The following GRIA1 variants were observed in gnomAD, a reference collection of about 807,000 sequenced individuals.
GRIA1 encodes glutamate ionotropic receptor AMPA type subunit 1.
GRIA1 carries 31 observed loss-of-function variants against 99.2 expected under a neutral mutation model. That is an observed-to-expected ratio of 0.31 (90% confidence interval 0.23 to 0.42). GRIA1 has a LOEUF of 0.42. GRIA1 is among the 10% of genes least tolerant of loss of function. GRIA1 has a pLI of 1.00. For synonymous variants in GRIA1, 438 were observed against 432.4 expected (o/e 1.01, Z -0.16); for missense variants, 782 against 1,157.5 (o/e 0.68, Z 4.71).
intron 2 of GRIA1, among the ~76,000 whole-genome samples, chr5:153,628,516 A>G (rs1767850816): frequency 6.6e-6 from 1 of 152,246 alleles, no homozygotes; most frequent in African/African-American, 2.4e-5. Context: ...CATGTTCAAT[A>G]AATGATAGTT....
chr5:153,511,709 G>T (rs531784536), intron 2 of GRIA1, among the ~76,000 whole-genome samples: 3 of 152,192 alleles, frequency 2.0e-5, no homozygotes, highest in African/African-American at 7.2e-5. Context: ...GCCAGGTCAC[G>T]ATGCTAACAC....
chr5:153,693,076 C>T (rs1757869732), intron 8 of GRIA1, among the ~76,000 whole-genome samples: 1 of 151,840 alleles, frequency 6.6e-6, no homozygotes, highest in Non-Finnish European at 1.5e-5. Flanking sequence ...TTTTTTTGTT[C>T]ACTCAGTGAC....
chr5:153,743,689 T>C (rs1761965740), intron 11 of GRIA1, among the ~76,000 whole-genome samples: 1 of 152,212 alleles, frequency 6.6e-6, no homozygotes, highest in South Asian at 2.1e-4. Context: ...AAGACTCATG[T>C]CATAGATTAG....
chr5:153,740,944 G>C (rs1452054947), intron 11 of GRIA1, among the ~76,000 whole-genome samples: 1 of 148,752 alleles, frequency 6.7e-6, no homozygotes, highest in Non-Finnish European at 1.5e-5. Context: ...AACAAGTCTT[G>C]GCAGGGATGT....
At chr5:153,638,286 T>C (rs938449256) in intron 2 of GRIA1, among the ~76,000 whole-genome samples, 8 of 152,242 alleles carry the variant, frequency 5.3e-5, no homozygotes, top group Non-Finnish European at 1.0e-4. Flanking sequence ...AGGACTGAGT[T>C]AGACATAGAT....
intron 8 of GRIA1, among the ~76,000 whole-genome samples, chr5:153,695,744 G>A (rs1758049487): frequency 6.6e-6 from 1 of 152,148 alleles, no homozygotes; most frequent in Non-Finnish European, 1.5e-5. Context: ...TCCCTCACAG[G>A]GAACATGGTA....
intron 2 of GRIA1, among the ~76,000 whole-genome samples, chr5:153,577,817 G>A (rs1762693519): frequency 6.6e-6 from 1 of 152,148 alleles, no homozygotes; most frequent in Non-Finnish European, 1.5e-5. Context: ...GGGTAAGAGA[G>A]AAAAATTAAA....
intron 2 of GRIA1, among the ~76,000 whole-genome samples, chr5:153,520,737 A>G (rs1757061507): frequency 6.6e-6 from 1 of 152,186 alleles, no homozygotes; most frequent in African/African-American, 2.4e-5. Flanking sequence ...TGAAATAAGA[A>G]CCTGGATTTC....
At chr5:153,636,123 A>C (rs1032362388) in intron 2 of GRIA1, among the ~76,000 whole-genome samples, 1 of 152,158 alleles carries the variant, frequency 6.6e-6, no homozygotes, top group Non-Finnish European at 1.5e-5. Context: ...CAGAGTCACC[A>C]TGAAAGAACC....
In GRIA1 at chr5:153,650,411, C is replaced by G; in HGVS notation, c.542C>G (p.Thr181Arg). The G allele has an allele frequency of 6.2e-7, 1 of 1,613,976 alleles. No homozygotes were observed. The highest frequency in any genetic ancestry group is 8.5e-7 in the Non-Finnish European group (1 of 1,179,922). The change falls in exon 4 of 16, where the codon ACA becomes AGA. Residue 181 changes from threonine to arginine, a missense_variant. Physicochemically the swap from Thr to Arg is moderately conservative, Grantham distance 71 (BLOSUM62 -1). This residue lies in a region of GRIA1 where 461 missense variants were observed against 521.7 expected (regional missense o/e 0.88). Coordinates refer to ENST00000285900, the MANE Select transcript of GRIA1 (RefSeq NM_000827.4). ...QVTAVNILTTTEEGYRMLFQD... is the reference protein window; with the variant it reads ...QVTAVNILTTREEGYRMLFQD... ...ACAGCAGTCAACATTTTGACAACCA[C>G]AGAGGAGGGATACCGGATGCTCTTT...
chr5:153,616,449 A>G (rs926732025), intron 2 of GRIA1, among the ~76,000 whole-genome samples: 3 of 151,396 alleles, frequency 2.0e-5, no homozygotes, highest in Non-Finnish European at 4.4e-5. Context: ...CATAAAATAC[A>G]CCAACATCAA....
intron 11 of GRIA1, among the ~76,000 whole-genome samples, chr5:153,706,607 G>A (rs1758915381): frequency 6.6e-6 from 1 of 152,302 alleles, no homozygotes; most frequent in Middle Eastern, 3.4e-3. Flanking sequence ...AAGAGCACTG[G>A]ATTATGAGTA....
chr5:153,780,089 T>A (rs943405827), intron 13 of GRIA1, among the ~76,000 whole-genome samples: 3 of 152,222 alleles, frequency 2.0e-5, no homozygotes, highest in African/African-American at 7.2e-5. Context: ...CATGTTGCTT[T>A]CTTTTAAGAG....
rs1753852169 is a variant in GRIA1, at chr5:153,490,910, T to C, written c.22T>C (p.Phe8Leu). 6.2e-7 allele frequency: 1 copy of C among 1,614,170 alleles called. No individual in the cohort carries two copies. The highest frequency in any genetic ancestry group is 8.5e-7 in the Non-Finnish European group (1 of 1,179,996). The change falls in exon 1 of 16, where the codon TTC becomes CTC. Residue 8 changes from phenylalanine (F) to leucine (L), a missense_variant. Around this residue, in one of 5 missense-constraint regions of GRIA1, gnomAD observed 461 missense variants for 521.7 expected, o/e 0.88. Transcript: ENST00000285900. The stretch of plus-strand genomic sequence containing the variant: ...GAATATGCAGCACATTTTTGCCTTC[T>C]TCTGCACCGGTTTCCTAGGCGCGGT... MQHIFAF[F>L]CTGFLGAVVG...
intron 2 of GRIA1, among the ~76,000 whole-genome samples, chr5:153,536,510 T>A (rs1181745401): frequency 6.6e-6 from 1 of 152,188 alleles, no homozygotes; most frequent in African/African-American, 2.4e-5. Context: ...TTCTTCCTCT[T>A]GCCTCCTCCC....
intron 11 of GRIA1, among the ~76,000 whole-genome samples, chr5:153,715,903 G>A (rs974015725): frequency 1.3e-5 from 2 of 152,308 alleles, no homozygotes; most frequent in East Asian, 1.9e-4. Flanking sequence ...GGCTAATAGG[G>A]AGAATTTCCA....
At chr5:153,770,113 C>T in intron 12 of GRIA1, 55 bp from the exon 13 acceptor site, 1 of 1,583,540 alleles carries the variant, frequency 6.3e-7, no homozygotes, top group Non-Finnish European at 8.6e-7. Context: ...TTAATGTGTG[C>T]ACCGACCCCA....
chr5:153,653,799 T>G (rs1754745177), intron 4 of GRIA1, among the ~76,000 whole-genome samples: 2 of 152,184 alleles, frequency 1.3e-5, no homozygotes, highest in South Asian at 4.1e-4. Flanking sequence ...GGCATATAAT[T>G]TATGTTAAAT....
chr5:153,623,224 A>G (rs1386149579), intron 2 of GRIA1, among the ~76,000 whole-genome samples: 1 of 152,182 alleles, frequency 6.6e-6, no homozygotes. Flanking sequence ...TCAATTGGAA[A>G]AAAAAATGCC....
Sources: allele counts gnomAD v4.1 joint callset (sites outside exome capture counted in the v4.1 genomes callset), GRCh38; gene constraint gnomAD v4.1.1; regional missense constraint gnomAD v4.1.1; transcripts MANE v1.5; gene names NCBI Gene and HGNC (gene_info 2026-07-23, HGNC 2026-07-21).